The following PLEKHH2 variants were observed in gnomAD, a reference collection of about 807,000 sequenced individuals.
PLEKHH2 encodes pleckstrin homology, MyTH4 and FERM domain containing H2.
PLEKHH2 carries 129 observed loss-of-function variants against 187.9 expected under a neutral mutation model. The observed-to-expected ratio is 0.69, with a 90% CI of 0.59 to 0.79. The LOEUF is 0.79. Among genes scored for constraint, PLEKHH2 ranks in the 30% least tolerant of loss-of-function variants. PLEKHH2 has a pLI of 0.00. For missense variants in PLEKHH2, 2,076 were observed against 1,751.2 expected (o/e 1.19, Z -3.31); for synonymous variants, 686 against 605.6 (o/e 1.13, Z -1.95).
At chr2:43,646,381 T>C (rs1327849684) in intron 2 of PLEKHH2, among the ~76,000 whole-genome samples, 1 of 152,148 alleles carries the variant, frequency 6.6e-6, no homozygotes, top group African/African-American at 2.4e-5. Flanking sequence ...ATTATGTCCT[T>C]ATTACTAAAC....
intron 8 of PLEKHH2, among the ~76,000 whole-genome samples, chr2:43,703,321 C>G (rs966302666): frequency 2.0e-5 from 3 of 152,172 alleles, no homozygotes; most frequent in Non-Finnish European, 2.9e-5. Flanking sequence ...AGAGATTTTT[C>G]AGAAGAGAAG....
chr2:43,712,082 G>A, intron 14 of PLEKHH2, 143 bp from the exon 15 acceptor site: 2 of 1,310,848 alleles, frequency 1.5e-6, no homozygotes, highest in Admixed American at 5.4e-5. Flanking sequence ...CTGATATGGA[G>A]TCATTTATTT....
Position 43,742,916 on chromosome 2 carries a change from C to A in PLEKHH2, c.3397C>A (p.Gln1133Lys), listed in dbSNP as rs1359395874. 2.0e-6 allele frequency: 3 copies of A among 1,518,276 alleles called. No homozygotes were observed. The highest frequency in any genetic ancestry group is 2.6e-6 in the Non-Finnish European group (3 of 1,133,044). 94.1% of individuals were successfully genotyped at this position (1,518,276 alleles called of 1,614,324 possible). A position where few individuals can be genotyped will look rare whatever the true frequency, so the allele number is the denominator to read the frequency against. The change falls in exon 22 of 30, where the codon CAG becomes AAG. Residue 1133 changes from glutamine (Q) to lysine (K), a missense_variant and splice_region_variant. Transcript: ENST00000282406. The stretch of plus-strand genomic sequence containing the variant: ...TGTGCACTTCATGAATGGGATATAC[C>A]AGGTAGGTTACCTGATGAAAATATG... ...IPVHFMNGIY[Q>K]VVGFDASTTV...
At chr2:43,708,212 C>A (rs147706964) in intron 11 of PLEKHH2, among the ~76,000 whole-genome samples, 15 of 152,310 alleles carry the variant, frequency 9.8e-5, no homozygotes, top group Admixed American at 2.6e-4. Context: ...CTCAACTTGC[C>A]CCGCTACAGC....
At chr2:43,754,085 A>G (rs1672107880) in intron 25 of PLEKHH2, among the ~76,000 whole-genome samples, 1 of 151,686 alleles carries the variant, frequency 6.6e-6, no homozygotes, top group African/African-American at 2.4e-5. Context: ...TTGGTAGTCT[A>G]ATAGGAGTAA....
chr2:43,758,515 C>A (rs1304658223), intron 26 of PLEKHH2, among the ~76,000 whole-genome samples: 2 of 152,086 alleles, frequency 1.3e-5, no homozygotes, highest in African/African-American at 4.8e-5. Context: ...GGCCTCCCAA[C>A]GTGCTGGGAT....
At chr2:43,677,398 C>G (rs1170550329) in intron 2 of PLEKHH2, among the ~76,000 whole-genome samples, 1 of 152,096 alleles carries the variant, frequency 6.6e-6, no homozygotes, top group African/African-American at 2.4e-5. Context: ...GTGGTGATGA[C>G]TCTTAACGAG....
chr2:43,709,958 T>C, intron 11 of PLEKHH2, 32 bp from the exon 12 acceptor site: 1 of 1,582,990 alleles, frequency 6.3e-7, no homozygotes, highest in African/African-American at 1.4e-5. Context: ...CAGTATTAAA[T>C]ACTGACTTGA....
At position 43,677,534 on chromosome 2, in the gene PLEKHH2, G is replaced by T. The variant is rs938020323; in HGVS notation, c.124-1329G>T. Reference sequence around the variant, plus strand: ...TTGGGGGTAAGGTCACAGATCAACAGGATCCCAAGGCAGAAGAATTTTTCT... The same window carrying T: ...TTGGGGGTAAGGTCACAGATCAACATGATCCCAAGGCAGAAGAATTTTTCT... On this transcript the variant is annotated intron_variant, in intron 2 of 29. Coordinates refer to ENST00000282406, the MANE Select transcript of PLEKHH2 (RefSeq NM_172069.4). Among the ~76,000 whole-genome samples, 5 of 151,890 alleles carry T rather than the reference G, an allele frequency of 3.3e-5. No homozygotes were observed. In the South Asian group the frequency reaches 1.0e-3, roughly 32 times the overall value.
intron 20 of PLEKHH2, 113 bp from the exon 21 acceptor site, chr2:43,740,833 G>C: frequency 2.1e-6 from 3 of 1,448,404 alleles, no homozygotes; most frequent in Non-Finnish European, 2.7e-6. Flanking sequence ...ATATGTGAAA[G>C]AAGCAAAACG....
At chr2:43,670,442 G>A (rs1466957253) in intron 2 of PLEKHH2, among the ~76,000 whole-genome samples, 21 of 152,172 alleles carry the variant, frequency 1.4e-4, no homozygotes. Context: ...TATAGGATCT[G>A]ACAATGAAGA....
intron 24 of PLEKHH2, among the ~76,000 whole-genome samples, chr2:43,747,813 T>C (rs988328759): frequency 6.6e-6 from 1 of 152,210 alleles, no homozygotes; most frequent in Admixed American, 6.5e-5. Flanking sequence ...TTTTGGAAGA[T>C]GTTCAGACTT....
intron 1 of PLEKHH2, among the ~76,000 whole-genome samples, chr2:43,639,765 T>G (rs1703285405): frequency 1.3e-5 from 2 of 150,316 alleles, no homozygotes; most frequent in African/African-American, 4.9e-5. Flanking sequence ...AAAGCAATTC[T>G]CCTGTCTCAG....
intron 15 of PLEKHH2, among the ~76,000 whole-genome samples, chr2:43,719,573 G>A (rs1185988624): frequency 2.6e-5 from 4 of 152,144 alleles, no homozygotes; most frequent in African/African-American, 7.2e-5. Context: ...CTGAGTAGCT[G>A]GAACTACAGA....
At chr2:43,660,575 C>T (rs1199338095) in intron 2 of PLEKHH2, among the ~76,000 whole-genome samples, 2 of 145,362 alleles carry the variant, frequency 1.4e-5, no homozygotes, top group African/African-American at 2.6e-5. Context: ...CCCACTAACT[C>T]GTCATCTAGC....
intron 2 of PLEKHH2, among the ~76,000 whole-genome samples, chr2:43,659,308 C>T (rs923173402): frequency 1.3e-5 from 2 of 151,856 alleles, no homozygotes; most frequent in South Asian, 4.2e-4. Flanking sequence ...AGACTTTAAA[C>T]TGGTTTATTT....
At chr2:43,681,282 G>T in intron 3 of PLEKHH2, 1 of 714,136 alleles carries the variant, frequency 1.4e-6, no homozygotes, top group Non-Finnish European at 2.4e-6. Context: ...GTGATGCCAT[G>T]CTGGCTGACT....
rs772601032 is a variant in PLEKHH2 at position 43,706,350 on chromosome 2, A to C, written c.1755A>C (p.Thr585=). Residue 585 remains threonine, a synonymous_variant, in exon 10 of 30, where the codon ACA becomes ACC. Transcript: ENST00000282406. ...KNSAATLSYT[T]SGLYTSLIYK... ...CTGCTGCAACCCTTTCCTATACTAC[A>C]TCAGGACTTTATACATCTCTGATAT... The C allele has an allele frequency of 3.7e-6, 6 of 1,609,994 alleles. No individual in the cohort carries two copies. The highest frequency in any genetic ancestry group is 2.2e-5 in the East Asian group (1 of 44,822).
intron 16 of PLEKHH2, among the ~76,000 whole-genome samples, chr2:43,722,956 C>T (rs1269411728): frequency 2.6e-5 from 4 of 152,000 alleles, no homozygotes; most frequent in Non-Finnish European, 4.4e-5. Context: ...TAAATATTTC[C>T]AAAAGAATTT....
Sources: allele counts gnomAD v4.1 joint callset (sites outside exome capture counted in the v4.1 genomes callset), GRCh38; gene constraint gnomAD v4.1.1; transcripts MANE v1.5; gene names NCBI Gene and HGNC (gene_info 2026-07-23, HGNC 2026-07-21).